CSPP1: variants seen among roughly 807,000 people sequenced by gnomAD.
CSPP1 encodes centrosome and spindle pole associated protein 1.
A neutral mutation model predicts 164.4 loss-of-function variants in CSPP1; 126 were observed. That is an observed-to-expected ratio of 0.77 (90% confidence interval 0.66 to 0.89). The LOEUF is 0.89. Among genes scored for constraint, CSPP1 ranks in the 40% least tolerant of loss-of-function variants. The pLI is 0.00. For synonymous variants in CSPP1, 472 were observed against 476.7 expected, an observed-to-expected ratio of 0.99 and a Z score of 0.13; for missense variants, 1,395 against 1,449.8, an observed-to-expected ratio of 0.96 and a Z score of 0.61.
rs1258451162 is a variant in CSPP1 at position 67,196,008 on chromosome 8, TGTG to T, written c.*416_*418del. 6.2e-6 allele frequency: 1 copy of T among 162,262 alleles called. No homozygotes were observed. Among genetic ancestry groups the T allele is most frequent in the Non-Finnish European group, 1.4e-5 (1 of 73,764 alleles). The allele number at this position is 162,262 out of a possible 1,614,324, so 10.1% of individuals were successfully genotyped here. A position where few individuals can be genotyped will look rare whatever the true frequency, so the allele number is the denominator to read the frequency against. ...ATTTAGTAGGTACATCTATTGTAGC[TGTG>T]ATTATTCCAGTTTCTGTGTGATGCA... On this transcript the variant is annotated 3_prime_UTR_variant, in exon 31 of 31. Transcript: ENST00000678616.
At chr8:67,159,888 CTTTCTTTCTTTCT>C in intron 21 of CSPP1, among the ~76,000 whole-genome samples, 1 of 64,826 alleles carries the variant, frequency 1.5e-5, no homozygotes, top group South Asian at 6.2e-4. Flanking sequence ...TTCTTTCTTT[CTTTCTTTCTTTCT>C]TTCTTTCTTT....
Position 67,131,963 on chromosome 8 carries a change from A to G in CSPP1, c.1710A>G (p.Gly570=), listed in dbSNP as rs777108793. 6.2e-7 allele frequency: 1 copy of G among 1,610,058 alleles called. No homozygotes were observed. The highest frequency in any genetic ancestry group is 1.7e-5 in the Admixed American group (1 of 59,428). ...GTATTTGATGTAGGAATACGGTTGG[A>G]CAGAATGAACTGAAGATTACAAGTG... ...QLAQPVVNTV[G]QNELKITSDQ... The change falls in exon 16 of 31, where the codon GGA becomes GGG. Residue 570 remains glycine, a synonymous_variant. Coordinates refer to ENST00000678616, the MANE Select transcript of CSPP1 (RefSeq NM_001382391.1).
chr8:67,169,078 G>A (rs979546254), intron 24 of CSPP1, among the ~76,000 whole-genome samples: 1 of 152,090 alleles, frequency 6.6e-6, no homozygotes, highest in Non-Finnish European at 1.5e-5. Flanking sequence ...ATCTTGTCTT[G>A]GTGCTTAGGG....
chr8:67,088,845 C>G (rs1383094283), intron 4 of CSPP1, among the ~76,000 whole-genome samples: 1 of 149,546 alleles, frequency 6.7e-6, no homozygotes, highest in Non-Finnish European at 1.5e-5. Context: ...TGCAGTGAGC[C>G]GAGATCGCGC....
chr8:67,133,438 C>T (rs11986982), intron 16 of CSPP1: 19,416 of 152,192 alleles, frequency 0.13, 2,456 homozygotes, highest in African/African-American at 0.33. Flanking sequence ...CCAGTGCATG[C>T]AGAGTTATCT....
In CSPP1 at chr8:67,178,669, A is replaced by G. The variant is rs181686809; in HGVS notation, c.3156+943A>G. On this transcript the variant is annotated intron_variant, in intron 27 of 30. Transcript: ENST00000678616. ...GAGTAAGGACATCAGGGAGGTGTCT[A>G]TGGGAAATGTGGGGGAACTTCTGGA... 1.8e-3 allele frequency among the ~76,000 whole-genome samples: 277 copies of G among 152,264 alleles called. 3 individuals carry two copies. The highest frequency in any genetic ancestry group is 6.4e-3 in the African/African-American group (268 of 41,564).
intron 9 of CSPP1, among the ~76,000 whole-genome samples, chr8:67,106,463 T>G (rs1469788775): frequency 1.3e-5 from 2 of 152,196 alleles, no homozygotes; most frequent in Non-Finnish European, 2.9e-5. Context: ...TTTCTTTAGC[T>G]AGTACAAAAC....
chr8:67,086,237 AG>A, intron 4 of CSPP1, 127 bp downstream of exon 4: 1 of 752,474 alleles, frequency 1.3e-6, no homozygotes, highest in Non-Finnish European at 2.4e-6. Flanking sequence ...GTAGTAGTAT[AG>A]TCAAAGTTAA....
Position 67,064,421 on chromosome 8 carries a change from C to T in CSPP1, c.-128C>T, listed in dbSNP as rs775895663. 75 of 1,613,710 alleles carry T rather than the reference C, an allele frequency of 4.6e-5. No homozygotes were observed. The South Asian group carries it at 7.5e-4, about 16-fold the overall frequency. ...GTCATGCTGTTCCCGCTCCAGGTGGCCGCTGTAACCTCTTCGGTCCGCGAC... is the reference window on the plus strand; with the variant it reads ...GTCATGCTGTTCCCGCTCCAGGTGGTCGCTGTAACCTCTTCGGTCCGCGAC... On this transcript the variant is annotated 5_prime_UTR_variant, in exon 1 of 31. Coordinates refer to ENST00000678616, the MANE Select transcript of CSPP1 (RefSeq NM_001382391.1).
chr8:67,180,023 TA>T (rs768421527), intron 28 of CSPP1, 97 bp downstream of exon 28: 78,687 of 449,048 alleles, frequency 0.18, 1 homozygote, highest in East Asian at 0.25. Context: ...TACAAGGTAG[TA>T]AAAAAAAAAA....
rs1427768533 is a variant in CSPP1, at chr8:67,169,597, G to A, written c.2829-2819G>A. 9.2e-5 allele frequency among the ~76,000 whole-genome samples: 14 copies of A among 151,650 alleles called. No individual in the cohort carries two copies. In the East Asian group the frequency reaches 1.9e-3, roughly 21 times the overall value. On this transcript the variant is annotated intron_variant, in intron 24 of 30. Transcript: ENST00000678616. ...TGGGATTACAAGTGCCCACCCCCAC[G>A]CACGGCTAATTTTTGTATTTTTAGT...
chr8:67,149,897 A>G lies in CSPP1; in HGVS notation c.2090A>G (p.Asn697Ser), dbSNP rs1825356042. ...VSLDPNLATSNAENLEDAANK... is the reference protein window; with the variant it reads ...VSLDPNLATSSAENLEDAANK... ...CTAGACCCAAATTTAGCCACTTCAA[A>G]TGCTGAGAACCTAGAAGATGCTGCA... is the stretch of plus-strand genomic sequence containing the variant. Residue 697 changes from asparagine (N) to serine (S), a missense_variant, in exon 18 of 31, where the codon AAT (asparagine) becomes AGT (serine). Physicochemically the swap from Asn to Ser is conservative, Grantham distance 46 (BLOSUM62 1). Transcript: ENST00000678616. The G allele has an allele frequency of 1.2e-6, 2 of 1,600,762 alleles. No homozygotes were observed. Among genetic ancestry groups the G allele is most frequent in the Non-Finnish European group, 1.7e-6 (2 of 1,175,122 alleles).
At position 67,064,527 on chromosome 8, in the gene CSPP1, G is replaced by A. The variant is rs754938011; in HGVS notation, c.-22G>A. Reference sequence around the variant, plus strand: ...AGTCAGCCAGCCGCGGATGGGGAGCGTGAGTGGCGAGGTGTGGCCTGGGGT... The same window carrying A: ...AGTCAGCCAGCCGCGGATGGGGAGCATGAGTGGCGAGGTGTGGCCTGGGGT... On this transcript the variant is annotated 5_prime_UTR_variant, in exon 1 of 31. It adds an upstream start codon to the 5' untranslated region. Coordinates refer to ENST00000678616, the MANE Select transcript of CSPP1 (RefSeq NM_001382391.1). 4 of 1,610,846 alleles carry A rather than the reference G, an allele frequency of 2.5e-6. No homozygotes were observed. The highest frequency in any genetic ancestry group is 1.7e-6 in the Non-Finnish European group (2 of 1,179,000).
chr8:67,195,710 G>T lies in CSPP1; in HGVS notation c.*117G>T. On this transcript the variant is annotated 3_prime_UTR_variant, in exon 31 of 31. Coordinates refer to ENST00000678616, the MANE Select transcript of CSPP1 (RefSeq NM_001382391.1). ...GAAAGTTACTTTTTTTCCATCATCT[G>T]TATATAAAATTATTTTTATCATGAT... 1.4e-6 allele frequency: 1 copy of T among 723,412 alleles called. No individual in the cohort carries two copies. The highest frequency in any genetic ancestry group is 2.3e-6 in the Non-Finnish European group (1 of 432,208). 44.8% of individuals were successfully genotyped at this position (723,412 alleles called of 1,614,324 possible).
chr8:67,081,515 C>T (rs1243431194), intron 3 of CSPP1, among the ~76,000 whole-genome samples: 1 of 152,078 alleles, frequency 6.6e-6, no homozygotes, highest in Non-Finnish European at 1.5e-5. Flanking sequence ...TGAAAGTGAT[C>T]TATAAAAGAT....
At chr8:67,172,618 A>T in intron 25 of CSPP1, 63 bp downstream of exon 25, 1 of 1,361,574 alleles carries the variant, frequency 7.3e-7, no homozygotes, top group Non-Finnish European at 9.9e-7. Flanking sequence ...TTAAATATCT[A>T]TAAAGATCTT....
chr8:67,086,262 C>T (rs575850071), intron 4 of CSPP1, 152 bp downstream of exon 4: 1 of 727,388 alleles, frequency 1.4e-6, no homozygotes, highest in East Asian at 2.5e-5. Context: ...GCATATATGA[C>T]ATTGGTAGAG....
rs1818414304 is a variant in CSPP1 at position 67,118,729 on chromosome 8, GT to G, written c.1619-8del. The G allele has an allele frequency of 1.9e-6, 3 of 1,565,414 alleles. No individual in the cohort carries two copies. Among genetic ancestry groups the G allele is most frequent in the Non-Finnish European group, 2.6e-6 (3 of 1,154,416 alleles). On this transcript the variant is annotated splice_polypyrimidine_tract_variant and intron_variant, in intron 14 of 30. Transcript: ENST00000678616. ...CTAAATAAACTTTTTTTGTTTTTTTGTTTTTTCTTTAAGATGGTTCAGGAAT... is the reference window on the plus strand; with the variant it reads ...CTAAATAAACTTTTTTTGTTTTTTTGTTTTTCTTTAAGATGGTTCAGGAAT...
intron 24 of CSPP1, among the ~76,000 whole-genome samples, chr8:67,172,094 C>G (rs561172573): frequency 1.0e-3 from 152 of 151,900 alleles, no homozygotes; most frequent in African/African-American, 3.4e-3. Context: ...GGTGATCCAC[C>G]TGTCTTGGCC....
Sources: allele counts gnomAD v4.1 joint callset (sites outside exome capture counted in the v4.1 genomes callset), GRCh38; gene constraint gnomAD v4.1.1; transcripts MANE v1.5; gene names NCBI Gene and HGNC (gene_info 2026-07-23, HGNC 2026-07-21).